The following POLDIP3 variants were observed in gnomAD, a reference collection of about 807,000 sequenced individuals.
The protein encoded by POLDIP3 is polymerase delta-interacting protein 3.
POLDIP3 carries 14 observed loss-of-function variants against 45.1 expected under a neutral mutation model. That is an observed-to-expected ratio of 0.31 (90% CI 0.20 to 0.49). The LOEUF (loss-of-function observed/expected upper bound fraction) is 0.49. Among genes scored for constraint, POLDIP3 ranks in the 20% least tolerant of loss-of-function variants. POLDIP3 has a pLI of 0.99. For synonymous variants in POLDIP3, 223 were observed against 205.2 expected (o/e 1.09, Z -0.74); for missense variants, 511 against 538.8 (o/e 0.95, Z 0.51).
chr22:42,600,436 C>T (rs1438361052), intron 3 of POLDIP3, among the ~76,000 whole-genome samples: 2 of 150,624 alleles, frequency 1.3e-5, no homozygotes, highest in African/African-American at 2.4e-5. Context: ...ATCATCCTGG[C>T]TAACATGGTG....
chr22:42,592,971 C>G (rs1029515788), intron 6 of POLDIP3, among the ~76,000 whole-genome samples: 6 of 152,144 alleles, frequency 3.9e-5, no homozygotes, highest in African/African-American at 1.4e-4. Flanking sequence ...TGGTAAATAT[C>G]AAAACAAGAT....
At chr22:42,611,177 TA>T (rs1927096127) in intron 1 of POLDIP3, among the ~76,000 whole-genome samples, 1 of 152,220 alleles carries the variant, frequency 6.6e-6, no homozygotes, top group Non-Finnish European at 1.5e-5. Context: ...CTTTCTTTTT[TA>T]AAGAGATGAG....
chr22:42,608,037 G>T (rs969880771), intron 1 of POLDIP3, among the ~76,000 whole-genome samples: 2 of 151,136 alleles, frequency 1.3e-5, no homozygotes, highest in African/African-American at 2.4e-5. Flanking sequence ...CCTCTGCCCG[G>T]CCGCCACCCC....
At chr22:42,595,084 C>T (rs980852446) in intron 6 of POLDIP3, among the ~76,000 whole-genome samples, 5 of 152,204 alleles carry the variant, frequency 3.3e-5, no homozygotes, top group Admixed American at 2.0e-4. Flanking sequence ...CTCAGGAGGG[C>T]TCCTGCCACC....
At chr22:42,592,741 G>A (rs1256571709) in intron 6 of POLDIP3, among the ~76,000 whole-genome samples, 2 of 152,206 alleles carry the variant, frequency 1.3e-5, no homozygotes, top group Non-Finnish European at 2.9e-5. Flanking sequence ...AAGCTCAACT[G>A]AGATAATTTT....
chr22:42,613,116 A>G (rs1230532740), intron 1 of POLDIP3, among the ~76,000 whole-genome samples: 1 of 152,186 alleles, frequency 6.6e-6, no homozygotes, highest in African/African-American at 2.4e-5. Context: ...GCAGTCAGAA[A>G]CTGGCGGAGT....
At chr22:42,607,104 A>G (rs929174814) in intron 1 of POLDIP3, among the ~76,000 whole-genome samples, 10 of 152,160 alleles carry the variant, frequency 6.6e-5, no homozygotes, top group Non-Finnish European at 1.5e-5. Context: ...GTCTCTACAA[A>G]AGATACAAAA....
chr22:42,590,697 T>C (rs1246506950), intron 7 of POLDIP3, among the ~76,000 whole-genome samples: 2 of 152,206 alleles, frequency 1.3e-5, no homozygotes, highest in African/African-American at 4.8e-5. Context: ...AAATCACTTA[T>C]CTGATAAGGG....
intron 1 of POLDIP3, among the ~76,000 whole-genome samples, chr22:42,605,631 A>AT (rs982347133): frequency 6.6e-6 from 1 of 151,944 alleles, no homozygotes; most frequent in African/African-American, 2.4e-5. Flanking sequence ...TTCCTGTCCT[A>AT]TTTTTTTAAT....
At position 42,602,888 on chromosome 22, in the gene POLDIP3, G is replaced by A. The variant is rs557588990; in HGVS notation, c.332C>T (p.Pro111Leu). 6.2e-7 allele frequency: 1 copy of A among 1,613,774 alleles called. No homozygotes were observed. Among genetic ancestry groups the A allele is most frequent in the African/African-American group, 1.3e-5 (1 of 74,958 alleles). The change falls in exon 2 of 9, where the codon CCC (proline) becomes CTC (leucine). Residue 111 changes from proline to leucine, a missense_variant. Physicochemically the swap from Pro to Leu is moderately conservative, Grantham distance 98 (BLOSUM62 -3). Transcript: ENST00000252115. ...CTCCCGGGCATCAGCAACCTGGCGG[G>A]GCTTCTGGGGCACCGTGGTCTGCTG... ...RKQQTTVPQKPRQVADAREKI... is the reference protein window; with the variant it reads ...RKQQTTVPQKLRQVADAREKI...
At position 42,593,149 on chromosome 22, in the gene POLDIP3, G is replaced by A. The variant is rs1266622455; in HGVS notation, c.892-1065C>T. Among the ~76,000 whole-genome samples the A allele has an allele frequency of 2.0e-5, 3 of 152,108 alleles. No homozygotes were observed. In the South Asian group the frequency reaches 6.2e-4, roughly 32 times the overall value. ...GATTACTTATAATACCAAATACAAT[G>A]TAAATGCTATATAAATAGTTATACT... On this transcript the variant is annotated intron_variant, in intron 6 of 8. Transcript: ENST00000252115.
intron 1 of POLDIP3, 70 bp downstream of exon 1, chr22:42,614,729 G>A (rs972332437): frequency 2.8e-5 from 43 of 1,546,552 alleles, no homozygotes; most frequent in Non-Finnish European, 3.7e-5. Context: ...CTCCCGGATC[G>A]CTACCTCCCC....
At chr22:42,593,939 TCTCAC>T (rs1174142442) in intron 6 of POLDIP3, among the ~76,000 whole-genome samples, 2 of 152,190 alleles carry the variant, frequency 1.3e-5, no homozygotes, top group African/African-American at 4.8e-5. Flanking sequence ...GAGTGACCCA[TCTCAC>T]GGCATGCGTG....
intron 6 of POLDIP3, among the ~76,000 whole-genome samples, chr22:42,595,008 T>C (rs1439383308): frequency 9.4e-6 from 1 of 106,386 alleles, no homozygotes; most frequent in Non-Finnish European, 2.0e-5. Context: ...GCAGCTGGGC[T>C]GACTGCTATT....
At chr22:42,587,378 G>A in intron 8 of POLDIP3, 128 bp downstream of exon 8, 1 of 980,504 alleles carries the variant, frequency 1.0e-6, no homozygotes, top group South Asian at 1.5e-5. Context: ...GAAACGGCCA[G>A]CTGCCATTAG....
At chr22:42,591,534 C>T (rs1425372727) in intron 7 of POLDIP3, among the ~76,000 whole-genome samples, 1 of 152,112 alleles carries the variant, frequency 6.6e-6, no homozygotes, top group African/African-American at 2.4e-5. Context: ...AAAATATGAA[C>T]CTCAAGTCAA....
intron 7 of POLDIP3, among the ~76,000 whole-genome samples, chr22:42,588,718 T>TC (rs1925479900): frequency 6.6e-6 from 1 of 150,520 alleles, no homozygotes; most frequent in Non-Finnish European, 1.5e-5. Flanking sequence ...AACCTCCGCC[T>TC]CCTGGGTTCA....
chr22:42,605,194 C>A (rs1269263396), intron 1 of POLDIP3, among the ~76,000 whole-genome samples: 1 of 152,268 alleles, frequency 6.6e-6, no homozygotes, highest in Admixed American at 6.5e-5. Context: ...GTGGCGCAAT[C>A]TTGGCTCACC....
intron 6 of POLDIP3, among the ~76,000 whole-genome samples, chr22:42,592,360 C>T (rs893575355): frequency 5.3e-5 from 8 of 152,256 alleles, no homozygotes; most frequent in Admixed American, 1.3e-4. Context: ...TCAGTGCCCA[C>T]CTCAACAGGG....
Sources: allele counts gnomAD v4.1 joint callset (sites outside exome capture counted in the v4.1 genomes callset), GRCh38; gene constraint gnomAD v4.1.1; transcripts MANE v1.5; gene names NCBI Gene and HGNC (gene_info 2026-07-23, HGNC 2026-07-21).